PPFIBP1: variants seen among roughly 807,000 people sequenced by gnomAD.
The protein encoded by PPFIBP1 is PPFIB scaffold protein 1.
Under a neutral mutation model 137.8 loss-of-function variants are expected in PPFIBP1, and 112 were observed. The observed-to-expected ratio is 0.81, with a 90% confidence interval of 0.70 to 0.95. PPFIBP1 has a LOEUF of 0.95. Among genes scored for constraint, PPFIBP1 ranks in the 40% least tolerant of loss-of-function variants. The pLI is 0.00. For missense variants in PPFIBP1, 1,083 were observed against 1,196.6 expected, an observed-to-expected ratio of 0.91 and a Z score of 1.40; for synonymous variants, 378 against 417.3, an observed-to-expected ratio of 0.91 and a Z score of 1.15.
intron 7 of PPFIBP1, among the ~76,000 whole-genome samples, chr12:27,651,595 T>A (rs1319889881): frequency 6.6e-6 from 1 of 152,166 alleles, no homozygotes; most frequent in Non-Finnish European, 1.5e-5. Context: ...AACCCCATAG[T>A]CGCAGGGTAA....
intron 2 of PPFIBP1, among the ~76,000 whole-genome samples, chr12:27,601,611 G>A (rs1171152763): frequency 6.6e-6 from 1 of 152,206 alleles, no homozygotes; most frequent in Non-Finnish European, 1.5e-5. Context: ...GCAATTCAGA[G>A]GACCTAGATT....
At chr12:27,662,919 C>T (rs139652384) in intron 11 of PPFIBP1, among the ~76,000 whole-genome samples, 2 of 152,190 alleles carry the variant, frequency 1.3e-5, no homozygotes, top group African/African-American at 4.8e-5. Flanking sequence ...TGCTTTGTGA[C>T]AGGCCACATT....
intron 13 of PPFIBP1, among the ~76,000 whole-genome samples, chr12:27,668,630 C>CT (rs2060002826): frequency 6.6e-6 from 1 of 152,194 alleles, no homozygotes; most frequent in African/African-American, 2.4e-5. Flanking sequence ...TAGTGTAATA[C>CT]TTTAAACATT....
At position 27,536,576 on chromosome 12, in the gene PPFIBP1, A is replaced by C. The variant is rs531305518; in HGVS notation, c.-124+12211A>C. ...CAAGGGGAATGGCGCTAAACCATTCATGAGGGATCCGCCCCCACGATCCAG... is the reference window on the plus strand; with the variant it reads ...CAAGGGGAATGGCGCTAAACCATTCCTGAGGGATCCGCCCCCACGATCCAG... On this transcript the variant is annotated intron_variant, in intron 1 of 29. Coordinates refer to ENST00000228425, the MANE Select transcript of PPFIBP1 (RefSeq NM_003622.4). 2.0e-5 allele frequency among the ~76,000 whole-genome samples: 3 copies of C among 152,254 alleles called. No homozygotes were observed. The East Asian group carries it at 5.8e-4, about 29-fold the overall frequency.
chr12:27,612,270 C>A (rs1018849472), intron 2 of PPFIBP1, among the ~76,000 whole-genome samples: 1 of 151,222 alleles, frequency 6.6e-6, no homozygotes, highest in Non-Finnish European at 1.5e-5. Context: ...CCAAGCCTCT[C>A]TCTCTGCAGC....
rs869044515 is a variant in PPFIBP1, at chr12:27,563,277, T to TAAAAAA, written c.-123-14850_-123-14845dup. Among the ~76,000 whole-genome samples, 86 of 22,172 alleles carry TAAAAAA rather than the reference T, an allele frequency of 3.9e-3. 16 individuals are homozygous for TAAAAAA. Among genetic ancestry groups the TAAAAAA allele is most frequent in the East Asian group, 0.01 (7 of 688 alleles). 14.5% of individuals were successfully genotyped at this position (22,172 alleles called of 152,430 possible). A position where few individuals can be genotyped will look rare whatever the true frequency, so the allele number is the denominator to read the frequency against. On this transcript the variant is annotated intron_variant, in intron 1 of 29. Coordinates refer to ENST00000228425, the MANE Select transcript of PPFIBP1 (RefSeq NM_003622.4). ...TAACACGGTGAAAACCCATCTCTAC[T>TAAAAAA]AAAAAAAAAAAAAAAAAAAAAAAAA...
At chr12:27,662,835 C>T (rs2059631973) in intron 11 of PPFIBP1, among the ~76,000 whole-genome samples, 1 of 152,078 alleles carries the variant, frequency 6.6e-6, no homozygotes, top group East Asian at 1.9e-4. Context: ...GGAGTGAGAC[C>T]CATCAATTTT....
At chr12:27,668,662 T>C (rs2060005342) in intron 13 of PPFIBP1, among the ~76,000 whole-genome samples, 1 of 152,252 alleles carries the variant, frequency 6.6e-6, no homozygotes, top group Admixed American at 6.5e-5. Flanking sequence ...ACGAATCATG[T>C]TATAATTCAC....
chr12:27,671,390 T>C lies in PPFIBP1; in HGVS notation c.1147-41T>C, dbSNP rs1303636492. On this transcript the variant is annotated intron_variant, in intron 13 of 29. Coordinates refer to ENST00000228425, the MANE Select transcript of PPFIBP1 (RefSeq NM_003622.4). The stretch of plus-strand genomic sequence containing the variant: ...TTAAATTACTCTGTGGCTTGTGTTT[T>C]GTTTTGATTGATTGATTGATTTTTT... The C allele has an allele frequency of 4.2e-6, 5 of 1,179,428 alleles. No homozygotes were observed. The East Asian group carries it at 9.8e-5, about 23-fold the overall frequency. The allele number at this position is 1,179,428 out of a possible 1,614,324, so 73.1% of individuals were successfully genotyped here.
chr12:27,539,319 T>C (rs746209457), intron 1 of PPFIBP1, among the ~76,000 whole-genome samples: 1 of 152,236 alleles, frequency 6.6e-6, no homozygotes, highest in Non-Finnish European at 1.5e-5. Flanking sequence ...AGATTGTTTA[T>C]GTTACACTGT....
chr12:27,555,850 C>T (rs1430712398), intron 1 of PPFIBP1, among the ~76,000 whole-genome samples: 3 of 152,156 alleles, frequency 2.0e-5, no homozygotes, highest in African/African-American at 7.2e-5. Context: ...CACCATTTTA[C>T]ATAAAATTAT....
chr12:27,663,901 C>T (rs894744678), intron 11 of PPFIBP1, among the ~76,000 whole-genome samples: 1 of 151,504 alleles, frequency 6.6e-6, no homozygotes, highest in Non-Finnish European at 1.5e-5. Flanking sequence ...TAGGAGGTCA[C>T]CTTGGTAGAG....
chr12:27,683,671 C>T lies in PPFIBP1; in HGVS notation c.2247+968C>T, dbSNP rs567668841. Among the ~76,000 whole-genome samples the T allele has an allele frequency of 1.6e-3, 247 of 152,348 alleles. 1 individual carries two copies. The highest frequency in any genetic ancestry group is 5.5e-3 in the African/African-American group (227 of 41,580). On this transcript the variant is annotated intron_variant, in intron 24 of 29. Coordinates refer to ENST00000228425, the MANE Select transcript of PPFIBP1 (RefSeq NM_003622.4). ...TCCAGCCAATGTGTAGGACTATTCC[C>T]TGCTTTACAGCAGTGAGAAAGATGG... is the stretch of plus-strand genomic sequence containing the variant.
At chr12:27,637,983 T>G (rs1235725192) in intron 4 of PPFIBP1, among the ~76,000 whole-genome samples, 1 of 152,170 alleles carries the variant, frequency 6.6e-6, no homozygotes, top group African/African-American at 2.4e-5. Flanking sequence ...TTTCCTTTTT[T>G]TATTAATAAG....
At chr12:27,623,215 T>A (rs1350596587) in intron 2 of PPFIBP1, among the ~76,000 whole-genome samples, 1 of 152,142 alleles carries the variant, frequency 6.6e-6, no homozygotes, top group African/African-American at 2.4e-5. Flanking sequence ...AATAACAAGT[T>A]GAAACAGACC....
intron 15 of PPFIBP1, 142 bp downstream of exon 15, chr12:27,672,625 G>T (rs1301430644): frequency 1.5e-6 from 1 of 659,940 alleles, no homozygotes; most frequent in African/African-American, 1.9e-5. Context: ...ATAATAATTG[G>T]GTGGGGGTGA....
At chr12:27,586,412 A>G (rs1402921820) in intron 2 of PPFIBP1, among the ~76,000 whole-genome samples, 1 of 152,196 alleles carries the variant, frequency 6.6e-6, no homozygotes, top group Non-Finnish European at 1.5e-5. Context: ...AATAAAGACT[A>G]TATAGGGCAG....
At chr12:27,657,390 T>C (rs1435130467) in intron 9 of PPFIBP1, among the ~76,000 whole-genome samples, 1 of 151,772 alleles carries the variant, frequency 6.6e-6, no homozygotes, top group Non-Finnish European at 1.5e-5. Flanking sequence ...AAATATAATG[T>C]GCATAATATC....
Position 27,546,635 on chromosome 12 carries a change from A to C in PPFIBP1, c.-124+22270A>C, listed in dbSNP as rs140616280. On this transcript the variant is annotated intron_variant, in intron 1 of 29. Transcript: ENST00000228425. Reference sequence around the variant, plus strand: ...TGATTCCTGCATTGGCCTGTCTGCAATCCCCTTTCTTGGGAATGCAGTAAA... The same window carrying C: ...TGATTCCTGCATTGGCCTGTCTGCACTCCCCTTTCTTGGGAATGCAGTAAA... 9.0e-3 allele frequency among the ~76,000 whole-genome samples: 1,369 copies of C among 152,318 alleles called. 6 individuals carry two copies. The highest frequency in any genetic ancestry group is 0.013 in the Non-Finnish European group (907 of 68,018).
Sources: gnomAD v4.1 joint callset for allele counts (sites outside exome capture counted in the v4.1 genomes callset) on GRCh38, gnomAD v4.1.1 for gene constraint, MANE v1.5 for transcripts, NCBI Gene and HGNC (gene_info 2026-07-23, HGNC 2026-07-21) for gene names.